AGTPBP1: variants seen among roughly 807,000 people sequenced by gnomAD.
AGTPBP1 encodes cytosolic carboxypeptidase 1.
A neutral mutation model predicts 143.9 loss-of-function variants in AGTPBP1; 70 were observed. The ratio of observed to expected loss-of-function variants is 0.49; its 90% CI spans 0.40 to 0.59. AGTPBP1 has a LOEUF of 0.59. AGTPBP1 is among the 20% of genes least tolerant of loss of function. The pLI is 0.00. For synonymous variants in AGTPBP1, 463 were observed against 500.2 expected, an observed-to-expected ratio of 0.93 and a Z score of 0.99; for missense variants, 1,229 against 1,464.5, an observed-to-expected ratio of 0.84 and a Z score of 2.62.
chr9:85,745,598 G>C (rs1347541767), upstream of AGTPBP1, among the ~76,000 whole-genome samples: 2 of 152,206 alleles, frequency 1.3e-5, no homozygotes, highest in African/African-American at 4.8e-5. Flanking sequence ...ATGGAGGGAA[G>C]CAATCTGGGA....
At chr9:85,781,802 C>G in the AGTPBP1 span, among the ~76,000 whole-genome samples, 1 of 151,984 alleles carries the variant, frequency 6.6e-6, no homozygotes, top group Non-Finnish European at 1.5e-5. Flanking sequence ...TGTAATAGAA[C>G]CCATTTTTGA....
chr9:85,630,731 T>C (rs1178734742), intron 14 of AGTPBP1, among the ~76,000 whole-genome samples: 1 of 152,050 alleles, frequency 6.6e-6, no homozygotes, highest in Non-Finnish European at 1.5e-5. Context: ...CCATCCACCT[T>C]GGCCTGACAA....
chr9:85,767,180 CTTTTTTTTTTTT>C, the AGTPBP1 span, among the ~76,000 whole-genome samples: 1 of 116,440 alleles, frequency 8.6e-6, no homozygotes. Context: ...TGAGAACATA[CTTTTTTTTTTTT>C]TTTTTTTTTT....
chr9:85,675,792 A>G (rs565121728), intron 6 of AGTPBP1, among the ~76,000 whole-genome samples: 2 of 152,272 alleles, frequency 1.3e-5, no homozygotes, highest in South Asian at 4.1e-4. Flanking sequence ...TTGGGAGGCC[A>G]AGGTGGGCGG....
chr9:85,547,740 T>C (rs1825809121), intron 25 of AGTPBP1, among the ~76,000 whole-genome samples: 1 of 152,158 alleles, frequency 6.6e-6, no homozygotes, highest in Admixed American at 6.5e-5. Flanking sequence ...GTCTATAAAG[T>C]GATTAGCTGC....
chr9:85,571,798 C>T (rs964967668), intron 25 of AGTPBP1, among the ~76,000 whole-genome samples: 1 of 152,034 alleles, frequency 6.6e-6, no homozygotes, highest in Non-Finnish European at 1.5e-5. Flanking sequence ...AGATTGAGAA[C>T]ATTTAATCCT....
At chr9:85,725,646 A>G (rs1587985009) in intron 1 of AGTPBP1, among the ~76,000 whole-genome samples, 1 of 152,332 alleles carries the variant, frequency 6.6e-6, no homozygotes, top group East Asian at 1.9e-4. Context: ...ACAGTGGCTT[A>G]CACCTGTAAT....
chr9:85,691,103 C>T (rs1416960412), intron 3 of AGTPBP1, among the ~76,000 whole-genome samples: 1 of 152,118 alleles, frequency 6.6e-6, no homozygotes, highest in Non-Finnish European at 1.5e-5. Context: ...ATACCTGGCA[C>T]ATTTAATTTT....
intron 25 of AGTPBP1, among the ~76,000 whole-genome samples, chr9:85,572,383 C>CT (rs942557167): frequency 7.9e-5 from 12 of 151,964 alleles, no homozygotes; most frequent in African/African-American, 2.7e-4. Flanking sequence ...AGTTCTTAAC[C>CT]TTTTTTGTGC....
upstream of AGTPBP1, among the ~76,000 whole-genome samples, chr9:85,743,984 A>G (rs1251178211): frequency 6.8e-6 from 1 of 146,726 alleles, no homozygotes; most frequent in Non-Finnish European, 1.5e-5. Context: ...GTAATACAGT[A>G]GTGCAATCAT....
chr9:85,749,061 G>C, the AGTPBP1 span, among the ~76,000 whole-genome samples: 1 of 142,380 alleles, frequency 7.0e-6, no homozygotes, highest in African/African-American at 2.7e-5. Flanking sequence ...TGAGTGCAGT[G>C]GTGTGATCGT....
At chr9:85,604,726 T>C (rs986745864) in intron 17 of AGTPBP1, among the ~76,000 whole-genome samples, 21 of 152,014 alleles carry the variant, frequency 1.4e-4, no homozygotes, top group Non-Finnish European at 3.1e-4. Context: ...TCAGTGAAAT[T>C]GAAGAGAACA....
At chr9:85,662,758 T>C (rs887687654) in intron 8 of AGTPBP1, among the ~76,000 whole-genome samples, 10 of 152,180 alleles carry the variant, frequency 6.6e-5, no homozygotes, top group African/African-American at 2.4e-4. Context: ...AATGTAATTA[T>C]CTTGTTGAGA....
chr9:85,784,335 C>A, the AGTPBP1 span, among the ~76,000 whole-genome samples: 1 of 152,194 alleles, frequency 6.6e-6, no homozygotes, highest in Non-Finnish European at 1.5e-5. Context: ...TGAGCCTCAG[C>A]AATGAGCCTC....
intron 17 of AGTPBP1, among the ~76,000 whole-genome samples, chr9:85,615,678 A>G (rs1408880295): frequency 6.6e-6 from 1 of 152,038 alleles, no homozygotes; most frequent in Non-Finnish European, 1.5e-5. Context: ...ATGTTAAACA[A>G]TGGTTTTTTT....
At chr9:85,578,899 A>T (rs200941284) in intron 24 of AGTPBP1, 21 bp downstream of exon 24, 96 of 1,606,774 alleles carry the variant, frequency 6.0e-5, no homozygotes, top group Non-Finnish European at 5.9e-6. Context: ...TTTCATGGTT[A>T]GAAAACCTAA....
intron 3 of AGTPBP1, among the ~76,000 whole-genome samples, chr9:85,681,710 A>G (rs1305972958): frequency 6.7e-6 from 1 of 149,228 alleles, no homozygotes; most frequent in Non-Finnish European, 1.5e-5. Context: ...ACAAAAACCT[A>G]CTACCATTTT....
At chr9:85,792,178 T>C in the AGTPBP1 span, 5 of 152,234 alleles carry the variant, frequency 3.3e-5, no homozygotes, top group Non-Finnish European at 7.3e-5. Context: ...AGCAGCTACT[T>C]GCCTGCCTTG....
At chr9:85,549,430 C>A (rs564619878) in intron 25 of AGTPBP1, among the ~76,000 whole-genome samples, 1 of 152,302 alleles carries the variant, frequency 6.6e-6, no homozygotes, top group East Asian at 1.9e-4. Context: ...CCCACCTTTC[C>A]CCCTATCTGA....
Sources: gnomAD v4.1 joint callset for allele counts (sites outside exome capture counted in the v4.1 genomes callset) on GRCh38, gnomAD v4.1.1 for gene constraint, MANE v1.5 for transcripts, NCBI Gene and HGNC (gene_info 2026-07-23, HGNC 2026-07-21) for gene names.